IRS2: variants seen among roughly 807,000 people sequenced by gnomAD.
The protein encoded by IRS2 is insulin receptor substrate 2.
Under a neutral mutation model 70.9 loss-of-function variants are expected in IRS2, and 28 were observed. The ratio of observed to expected loss-of-function variants is 0.39; its 90% CI spans 0.29 to 0.54. IRS2 has a LOEUF of 0.54. Among genes scored for constraint, IRS2 ranks in the 20% least tolerant of loss-of-function variants. The probability of loss-of-function intolerance (pLI) is 0.59; values close to 1 mark genes in which losing one functional copy is unlikely to be tolerated. For synonymous variants in IRS2, 1,217 were observed against 981.9 expected (o/e 1.24, Z -4.48); for missense variants, 2,081 against 2,024.1 (o/e 1.03, Z -0.54).
Position 109,782,459 on chromosome 13 carries a change from C to CA in IRS2, c.3594_3595insT (p.Glu1199Ter). The CA allele has an allele frequency of 6.4e-7, 1 of 1,568,982 alleles. No homozygotes were observed. The highest frequency in any genetic ancestry group is 8.6e-7 in the Non-Finnish European group (1 of 1,157,342). On this transcript the variant is annotated frameshift_variant, in exon 1 of 2. Transcript: ENST00000375856. LOFTEE classifies it high-confidence loss of function. ...AACTGTCGTGGGGAGGTGGGCGGCT[C>CA]GTCGCCCCCTCCAGGGCCGACACCC... is the stretch of plus-strand genomic sequence containing the variant.
rs1242367292 is a variant in IRS2 at position 109,783,441 on chromosome 13, C to T, written c.2613G>A (p.Arg871=). 1 of 1,524,534 alleles carries T rather than the reference C, an allele frequency of 6.6e-7. No individual in the cohort carries two copies. Among genetic ancestry groups the T allele is most frequent in the East Asian group, 2.5e-5 (1 of 40,440 alleles). The allele number at this position is 1,524,534 out of a possible 1,614,324, so 94.4% of individuals were successfully genotyped here. A position where few individuals can be genotyped will look rare whatever the true frequency, so the allele number is the denominator to read the frequency against. ...AGCCCTCCGGGCGGCCGCCGCTAGG[C>T]CGCACGGGCGAAGGCACTACAGGGT... ...PPHPVVPSPV[R]PSGGRPEGFL... is the part of the protein sequence containing the mutation. Residue 871 remains arginine (R), a synonymous_variant, in exon 1 of 2, where the codon CGG becomes CGA. Coordinates refer to ENST00000375856, the MANE Select transcript of IRS2 (RefSeq NM_003749.3).
At position 109,782,594 on chromosome 13, in the gene IRS2, A is replaced by T. The variant is rs930633626; in HGVS notation, c.3460T>A (p.Ser1154Thr). The part of the protein sequence containing the change: ...RRRHSSETFS[S>T]TTTVTPVSPS... Reference sequence around the variant, plus strand: ...GACACGGGGGTGACCGTCGTGGTGGAGGAGAAGGTCTCGGAACTGTGGCGG... The same window carrying T: ...GACACGGGGGTGACCGTCGTGGTGGTGGAGAAGGTCTCGGAACTGTGGCGG... The change falls in exon 1 of 2, where the codon TCC becomes ACC. Residue 1154 changes from serine to threonine, a missense_variant. Physicochemically the swap from Ser to Thr is moderately conservative, Grantham distance 58 (BLOSUM62 1). Around this residue, in one of 4 missense-constraint regions of IRS2, gnomAD observed 1,615 missense variants for 1,459.5 expected, o/e 1.11. Coordinates refer to ENST00000375856, the MANE Select transcript of IRS2 (RefSeq NM_003749.3). 58 of 1,577,418 alleles carry T rather than the reference A, an allele frequency of 3.7e-5. No individual in the cohort carries two copies. Among genetic ancestry groups the T allele is most frequent in the Non-Finnish European group, 4.6e-5 (54 of 1,163,018 alleles).
At chr13:109,765,108 C>T (rs763074769) in intron 1 of IRS2, among the ~76,000 whole-genome samples, 3 of 152,152 alleles carry the variant, frequency 2.0e-5, no homozygotes, top group Admixed American at 6.5e-5. Context: ...GGCTGGGCTC[C>T]GCCTGGTCCA....
In IRS2 at chr13:109,753,950, C is replaced by T. The variant is rs1877048931; in HGVS notation, c.*2354G>A. The T allele has an allele frequency of 4.3e-6, 1 of 232,130 alleles. No homozygotes were observed. The highest frequency in any genetic ancestry group is 8.5e-6 in the Non-Finnish European group (1 of 117,244). The allele number at this position is 232,130 out of a possible 1,614,324, so 14.4% of individuals were successfully genotyped here. The stretch of plus-strand genomic sequence containing the variant: ...ATTCTAGTCCAGTTTATTCTCGTCT[C>T]CAGCAGCATCACATTGACCCCTATA... On this transcript the variant is annotated 3_prime_UTR_variant, in exon 2 of 2. Transcript: ENST00000375856.
intron 1 of IRS2, among the ~76,000 whole-genome samples, chr13:109,773,386 CA>C (rs750409122): frequency 6.6e-6 from 1 of 152,082 alleles, no homozygotes; most frequent in East Asian, 1.9e-4. Context: ...TGGACTTATC[CA>C]TAATGGGGAA....
rs909327524 is a variant in IRS2, at chr13:109,782,434, A to C, written c.3620T>G (p.Leu1207Trp). ...GDEPPTSPRQ[L>W]QPAPPLAPQG... The stretch of plus-strand genomic sequence containing the variant: ...CGGTGCCAAAGGGGGCGCCGGCTGC[A>C]ACTGTCGTGGGGAGGTGGGCGGCTC... Residue 1207 changes from leucine to tryptophan, a missense_variant, in exon 1 of 2, where the codon TTG (leucine) becomes TGG (tryptophan). Physicochemically the swap from Leu to Trp is moderately conservative, Grantham distance 61 (BLOSUM62 -2). Coordinates refer to ENST00000375856, the MANE Select transcript of IRS2 (RefSeq NM_003749.3). The C allele has an allele frequency of 1.3e-6, 2 of 1,589,792 alleles. No individual in the cohort carries two copies. The highest frequency in any genetic ancestry group is 8.6e-7 in the Non-Finnish European group (1 of 1,167,978).
At position 109,756,243 on chromosome 13, in the gene IRS2, C is replaced by A; in HGVS notation, c.*61G>T. 1 of 1,388,464 alleles carries A rather than the reference C, an allele frequency of 7.2e-7. No individual in the cohort carries two copies. Among genetic ancestry groups the A allele is most frequent in the Non-Finnish European group, 1.0e-6 (1 of 973,966 alleles). 86.0% of individuals were successfully genotyped at this position (1,388,464 alleles called of 1,614,324 possible). A position where few individuals can be genotyped will look rare whatever the true frequency, so the allele number is the denominator to read the frequency against. ...AGCTTCGGGCTGAAACAGTGCTGAG[C>A]GTCTTCTTTTAATGATACTCTCTGA... On this transcript the variant is annotated 3_prime_UTR_variant, in exon 2 of 2. Transcript: ENST00000375856.
chr13:109,769,589 C>T (rs888119281), intron 1 of IRS2, among the ~76,000 whole-genome samples: 1 of 152,182 alleles, frequency 6.6e-6, no homozygotes, highest in African/African-American at 2.4e-5. Context: ...TTTCCTTTCC[C>T]CCCTCTCCCT....
Position 109,786,144 on chromosome 13 carries a change from A to C in IRS2, c.-91T>G, listed in dbSNP as rs2138940278. ...GCGCGGGCGGGGGCGGCTCCCTCCCACCCTTGCGCCCGGCCGCCCGCCCGA... is the reference window on the plus strand; with the variant it reads ...GCGCGGGCGGGGGCGGCTCCCTCCCCCCCTTGCGCCCGGCCGCCCGCCCGA... On this transcript the variant is annotated 5_prime_UTR_variant, in exon 1 of 2. Transcript: ENST00000375856. The surrounding 1 kb of genome is among the most constrained non-coding windows in gnomAD (Gnocchi z 4.4). The C allele has an allele frequency of 2.8e-6, 2 of 720,076 alleles. No homozygotes were observed. The highest frequency in any genetic ancestry group is 3.4e-6 in the Non-Finnish European group (2 of 592,582). The allele number at this position is 720,076 out of a possible 1,614,324, so 44.6% of individuals were successfully genotyped here. A position where few individuals can be genotyped will look rare whatever the true frequency, so the allele number is the denominator to read the frequency against.
intron 1 of IRS2, among the ~76,000 whole-genome samples, chr13:109,781,754 G>A (rs1014819770): frequency 1.3e-5 from 2 of 152,200 alleles, no homozygotes; most frequent in African/African-American, 2.4e-5. Context: ...TGTGTTAAGG[G>A]ACAGGGGGCT....
At chr13:109,780,912 G>A (rs1877681327) in intron 1 of IRS2, among the ~76,000 whole-genome samples, 1 of 152,174 alleles carries the variant, frequency 6.6e-6, no homozygotes, top group African/African-American at 2.4e-5. Context: ...CAGCCAGAAT[G>A]CACCACCAGC....
chr13:109,760,678 C>T (rs1302627313), intron 1 of IRS2, among the ~76,000 whole-genome samples: 1 of 152,162 alleles, frequency 6.6e-6, no homozygotes. Context: ...CCCCTTTTCT[C>T]CTCCACTTAC....
At chr13:109,759,839 C>G (rs553694953) in intron 1 of IRS2, among the ~76,000 whole-genome samples, 3 of 152,100 alleles carry the variant, frequency 2.0e-5, no homozygotes, top group Non-Finnish European at 4.4e-5. Flanking sequence ...CACGGCAACA[C>G]GATACCTACC....
In IRS2 at chr13:109,785,580, C is replaced by A. The variant is rs1355330690; in HGVS notation, c.474G>T (p.Ala158=). The change falls in exon 1 of 2, where the codon GCG becomes GCT. Residue 158 remains alanine, a synonymous_variant. Coordinates refer to ENST00000375856, the MANE Select transcript of IRS2 (RefSeq NM_003749.3). This position sits in a 1 kb window ranked among gnomAD's most constrained non-coding sequence, Gnocchi z 9.3. ...AAAGDAPPAA[A]PAASCSASLP... ...GGGAGGCGCTGCAGGACGCGGCGGG[C>A]GCGGCGGCGGGGGGCGCGTCTCCGG... is the stretch of plus-strand genomic sequence containing the variant. 4 of 1,310,896 alleles carry A rather than the reference C, an allele frequency of 3.1e-6. No individual in the cohort carries two copies. Among genetic ancestry groups the A allele is most frequent in the Admixed American group, 4.1e-5 (1 of 24,688 alleles). 81.2% of individuals were successfully genotyped at this position (1,310,896 alleles called of 1,614,324 possible). A position where few individuals can be genotyped will look rare whatever the true frequency, so the allele number is the denominator to read the frequency against.
In IRS2 at chr13:109,764,561, G is replaced by A. The variant is rs1310456888; in HGVS notation, c.4013-8253C>T. On this transcript the variant is annotated intron_variant, in intron 1 of 1. Transcript: ENST00000375856. ...GGCATTTTGTGGTTGGCTTCCCTTT[G>A]CTTTGTGCACCTTCAAATAATGTAT... 2.0e-5 allele frequency among the ~76,000 whole-genome samples: 3 copies of A among 152,212 alleles called. No homozygotes were observed. In the East Asian group the frequency reaches 5.8e-4, roughly 29 times the overall value.
In IRS2 at chr13:109,784,411, G is replaced by C. The variant is rs773077234; in HGVS notation, c.1643C>G (p.Pro548Arg). 3 of 1,610,432 alleles carry C rather than the reference G, an allele frequency of 1.9e-6. No individual in the cohort carries two copies. The highest frequency in any genetic ancestry group is 1.1e-5 in the South Asian group (1 of 91,016). Residue 548 changes from proline (P) to arginine (R), a missense_variant, in exon 1 of 2, where the codon CCC becomes CGC. Physicochemically the swap from Pro to Arg is moderately radical, Grantham distance 103 (BLOSUM62 -2). Coordinates refer to ENST00000375856, the MANE Select transcript of IRS2 (RefSeq NM_003749.3). The surrounding 1 kb of genome is among the most constrained non-coding windows in gnomAD (Gnocchi z 5.2). ...EFYGYMTMDRPLSHCGRSYRR... is the reference protein window; with the variant it reads ...EFYGYMTMDRRLSHCGRSYRR... Reference sequence around the variant, plus strand: ...GTAGGAGCGGCCACAGTGGCTCAGGGGCCTGTCCATGGTCATGTACCCGTA... The same window carrying C: ...GTAGGAGCGGCCACAGTGGCTCAGGCGCCTGTCCATGGTCATGTACCCGTA...
At chr13:109,763,475 T>A (rs972660726) in intron 1 of IRS2, among the ~76,000 whole-genome samples, 3 of 152,244 alleles carry the variant, frequency 2.0e-5, no homozygotes, top group East Asian at 3.8e-4. Flanking sequence ...ATAAATCTAA[T>A]CATTGCTAAA....
chr13:109,776,817 CTGAAA>C (rs1454652456), intron 1 of IRS2, among the ~76,000 whole-genome samples: 2 of 152,294 alleles, frequency 1.3e-5, no homozygotes, highest in Middle Eastern at 3.4e-3. Context: ...AATAATCTAC[CTGAAA>C]TGAGTCAGAA....
intron 1 of IRS2, among the ~76,000 whole-genome samples, chr13:109,762,893 A>G (rs1416705274): frequency 5.9e-5 from 9 of 152,368 alleles, no homozygotes; most frequent in Admixed American, 3.9e-4. Context: ...CGTGAGACCC[A>G]GAAGAAAAGA....
Sources: gnomAD v4.1 joint callset for allele counts (sites outside exome capture counted in the v4.1 genomes callset) on GRCh38, gnomAD v4.1.1 for gene constraint, gnomAD v4.1.1 regional missense constraint, Gnocchi (gnomAD v3.1) non-coding constraint, MANE v1.5 for transcripts, NCBI Gene and HGNC (gene_info 2026-07-23, HGNC 2026-07-21) for gene names.